Variants in WDR25 observed in about 807,000 individuals in gnomAD.
WDR25 encodes WD repeat domain 25.
WDR25 carries 35 observed loss-of-function variants against 47.7 expected under a neutral mutation model. The observed-to-expected ratio is 0.73, with a 90% CI of 0.56 to 0.97. WDR25 has a LOEUF of 0.97. Among genes scored for constraint, WDR25 ranks in the 50% least tolerant of loss-of-function variants. The pLI is 0.00. For missense variants in WDR25, 634 were observed against 704.7 expected (o/e 0.90, Z 1.14); for synonymous variants, 248 against 278.9 (o/e 0.89, Z 1.10).
intron 2 of WDR25, among the ~76,000 whole-genome samples, chr14:100,391,486 C>T (rs1012201483): frequency 2.0e-5 from 3 of 152,152 alleles, no homozygotes; most frequent in African/African-American, 7.2e-5. Flanking sequence ...GGCATGGGTA[C>T]GCCACAGCTT....
At chr14:100,453,521 C>T (rs920558681) in intron 2 of WDR25, among the ~76,000 whole-genome samples, 1 of 152,250 alleles carries the variant, frequency 6.6e-6, no homozygotes, top group Non-Finnish European at 1.5e-5. Flanking sequence ...ATGCTCAATA[C>T]ATGATTATTG....
At chr14:100,464,220 G>A (rs899725276) in intron 2 of WDR25, among the ~76,000 whole-genome samples, 2 of 152,120 alleles carry the variant, frequency 1.3e-5, no homozygotes, top group African/African-American at 4.8e-5. Context: ...TCACTGCCTG[G>A]AAGCTTCTTC....
At chr14:100,448,056 G>A (rs528414223) in intron 2 of WDR25, among the ~76,000 whole-genome samples, 7 of 152,238 alleles carry the variant, frequency 4.6e-5, no homozygotes, top group South Asian at 2.1e-4. Context: ...TTAGCCAGGC[G>A]TGGTGGCATT....
Position 100,404,857 on chromosome 14 carries a change from C to G in WDR25, c.822+23111C>G, listed in dbSNP as rs1266339898. On this transcript the variant is annotated intron_variant, in intron 2 of 6. Coordinates refer to ENST00000402312, the MANE Select transcript of WDR25 (RefSeq NM_001161476.3). This position sits in a 1 kb window ranked among gnomAD's most constrained non-coding sequence, Gnocchi z 4.6. The stretch of plus-strand genomic sequence containing the variant: ...CAGCTCTGGCCTCTGCTGGGCCCAT[C>G]CCTCCTGTGAGTGACATGGTTATTC... 6.6e-6 allele frequency among the ~76,000 whole-genome samples: 1 copy of G among 152,174 alleles called. No homozygotes were observed. The highest frequency in any genetic ancestry group is 1.5e-5 in the Non-Finnish European group (1 of 68,034).
intron 2 of WDR25, among the ~76,000 whole-genome samples, chr14:100,423,049 A>G (rs1898071910): frequency 6.6e-6 from 1 of 152,344 alleles, no homozygotes; most frequent in South Asian, 2.1e-4. Context: ...TGTATTTGTA[A>G]TGTGATAGAT....
intron 2 of WDR25, among the ~76,000 whole-genome samples, chr14:100,411,257 C>T (rs1325143209): frequency 2.6e-5 from 4 of 152,062 alleles, no homozygotes; most frequent in Non-Finnish European, 4.4e-5. Flanking sequence ...GGCAAGCAAC[C>T]CCAAGGTGCC....
rs914529722 is a variant in WDR25, at chr14:100,462,915, C to A, written c.823-5106C>A. Among the ~76,000 whole-genome samples the A allele has an allele frequency of 1.4e-4, 16 of 115,808 alleles. 2 individuals carry two copies. The highest frequency in any genetic ancestry group is 5.6e-4 in the African/African-American group (16 of 28,722). The allele number at this position is 115,808 out of a possible 152,430, so 76.0% of individuals were successfully genotyped here. On this transcript the variant is annotated intron_variant, in intron 2 of 6. Transcript: ENST00000402312. ...CCCTCTCCCCGCTTCCTCTCCCCCG[C>A]TCCTTCCTTTTTCCCTTCTCCCCTT...
chr14:100,524,779 C>G (rs985539309), intron 4 of WDR25, among the ~76,000 whole-genome samples: 1 of 152,152 alleles, frequency 6.6e-6, no homozygotes, highest in African/African-American at 2.4e-5. Context: ...TGAGCAAATC[C>G]GTACCTCTTC....
intron 4 of WDR25, 130 bp downstream of exon 4, chr14:100,484,254 A>C: frequency 3.0e-6 from 3 of 1,004,270 alleles, no homozygotes; most frequent in Non-Finnish European, 4.1e-6. Context: ...ATATTTAATC[A>C]GTGCTAAGCA....
rs748510871 is a variant in WDR25, at chr14:100,380,968, A to G, written c.44A>G (p.Tyr15Cys). 2 of 1,614,252 alleles carry G rather than the reference A, an allele frequency of 1.2e-6. No homozygotes were observed. The highest frequency in any genetic ancestry group is 1.7e-6 in the Non-Finnish European group (2 of 1,180,040). Residue 15 changes from tyrosine (Y) to cysteine (C), a missense_variant, in exon 2 of 7, where the codon TAT (tyrosine) becomes TGT (cysteine). Physicochemically the swap from Tyr to Cys is radical, Grantham distance 194. Coordinates refer to ENST00000402312, the MANE Select transcript of WDR25 (RefSeq NM_001161476.3). ...TCTTTAATGGCTTCATTGGTAGCGT[A>G]TGATGATTCGGACTCGGAGGCTGAG... is the stretch of plus-strand genomic sequence containing the variant. The part of the protein sequence containing the change: ...TLSLMASLVA[Y>C]DDSDSEAETE...
rs61706956 is a variant in WDR25, at chr14:100,459,894, GTATATATATATATATATATATATATATA to G, written c.823-8108_823-8081del. Among the ~76,000 whole-genome samples the G allele has an allele frequency of 1.2e-3, 91 of 78,286 alleles. 7 individuals carry two copies. In the South Asian group the frequency reaches 0.022, roughly 19 times the overall value. The allele number at this position is 78,286 out of a possible 152,430, so 51.4% of individuals were successfully genotyped here. On this transcript the variant is annotated intron_variant, in intron 2 of 6. Coordinates refer to ENST00000402312, the MANE Select transcript of WDR25 (RefSeq NM_001161476.3). The stretch of plus-strand genomic sequence containing the variant: ...TATATATCCGTATATGTGTGTGTGT[GTATATATATATATATATATATATATATA>G]TATATATATATATATATACACATAC...
Position 100,425,353 on chromosome 14 carries a change from C to T in WDR25, c.823-42668C>T, listed in dbSNP as rs1176348055. Among the ~76,000 whole-genome samples, 1 of 152,246 alleles carries T rather than the reference C, an allele frequency of 6.6e-6. No individual in the cohort carries two copies. On this transcript the variant is annotated intron_variant, in intron 2 of 6. Transcript: ENST00000402312. The surrounding 1 kb of genome is among the most constrained non-coding windows in gnomAD (Gnocchi z 4.8). ...TCCAGTGCCCAGCACAGGGGTGGCACACACCCAGGAGTAGCTGTTGGGTGG... is the reference window on the plus strand; with the variant it reads ...TCCAGTGCCCAGCACAGGGGTGGCATACACCCAGGAGTAGCTGTTGGGTGG...
chr14:100,451,664 C>T (rs921537897), intron 2 of WDR25, among the ~76,000 whole-genome samples: 9 of 152,258 alleles, frequency 5.9e-5, no homozygotes, highest in Admixed American at 3.3e-4. Context: ...CCTTGTTTTA[C>T]AGAAGAGCAG....
chr14:100,411,735 C>T (rs981999836), intron 2 of WDR25, among the ~76,000 whole-genome samples: 2 of 152,116 alleles, frequency 1.3e-5, no homozygotes, highest in African/African-American at 4.8e-5. Context: ...AAGGTTTCAC[C>T]GTGTTGGCCA....
At chr14:100,505,952 G>A (rs1434788750) in intron 4 of WDR25, among the ~76,000 whole-genome samples, 1 of 152,166 alleles carries the variant, frequency 6.6e-6, no homozygotes, top group Non-Finnish European at 1.5e-5. Flanking sequence ...GGATACACGT[G>A]CAGGTTTGTT....
At chr14:100,437,271 C>T (rs1276302220) in intron 2 of WDR25, among the ~76,000 whole-genome samples, 3 of 152,150 alleles carry the variant, frequency 2.0e-5, no homozygotes, top group Non-Finnish European at 4.4e-5. Flanking sequence ...CCCAGCCCCC[C>T]ACGGCCCAGC....
At chr14:100,445,613 T>C (rs1377615254) in intron 2 of WDR25, among the ~76,000 whole-genome samples, 2 of 152,190 alleles carry the variant, frequency 1.3e-5, no homozygotes, top group African/African-American at 4.8e-5. Flanking sequence ...CAAAGCCTCC[T>C]TGTTGCCAGG....
chr14:100,433,738 TATAATA>T (rs1308709321), intron 2 of WDR25, among the ~76,000 whole-genome samples: 1 of 152,192 alleles, frequency 6.6e-6, no homozygotes, highest in Non-Finnish European at 1.5e-5. Flanking sequence ...AACAGTAAGT[TATAATA>T]ATACATTTTT....
intron 4 of WDR25, 130 bp downstream of exon 4, chr14:100,484,254 A>G (rs1393843181): frequency 1.0e-6 from 1 of 1,004,148 alleles, no homozygotes; most frequent in Non-Finnish European, 1.4e-6. Flanking sequence ...ATATTTAATC[A>G]GTGCTAAGCA....
Sources: allele counts gnomAD v4.1 joint callset (sites outside exome capture counted in the v4.1 genomes callset), GRCh38; gene constraint gnomAD v4.1.1; non-coding constraint Gnocchi (gnomAD v3.1); transcripts MANE v1.5; gene names NCBI Gene and HGNC (gene_info 2026-07-23, HGNC 2026-07-21).